Variants in NNT observed in about 807,000 individuals in gnomAD.
NNT encodes the protein nicotinamide nucleotide transhydrogenase.
A neutral mutation model predicts 104.8 loss-of-function variants in NNT; 50 were observed. The ratio of observed to expected loss-of-function variants is 0.48; its 90% CI spans 0.38 to 0.60. NNT has a LOEUF of 0.60. Ranked by LOEUF, NNT falls within the 20% of genes least tolerant of loss-of-function variation. The pLI is 0.00. For missense variants in NNT, 1,131 were observed against 1,330.7 expected, an observed-to-expected ratio of 0.85 and a Z score of 2.33; for synonymous variants, 461 against 490.4, an observed-to-expected ratio of 0.94 and a Z score of 0.79.
At chr5:43,657,372 C>G (rs560693990) in intron 16 of NNT, among the ~76,000 whole-genome samples, 27 of 152,178 alleles carry the variant, frequency 1.8e-4, no homozygotes, top group Non-Finnish European at 2.9e-4. Flanking sequence ...TTGAAACACA[C>G]AGTAGTTTTT....
intron 19 of NNT, among the ~76,000 whole-genome samples, chr5:43,690,877 A>T (rs370438649): frequency 2.0e-5 from 3 of 152,250 alleles, no homozygotes; most frequent in South Asian, 2.1e-4. Flanking sequence ...AATTTCCTAG[A>T]TAAGGCATTT....
At chr5:43,697,120 A>G (rs1742596406) in intron 19 of NNT, among the ~76,000 whole-genome samples, 1 of 152,206 alleles carries the variant, frequency 6.6e-6, no homozygotes, top group African/African-American at 2.4e-5. Flanking sequence ...CCAAACTTTT[A>G]TGCTCTGTTT....
chr5:43,694,614 A>T (rs1742458274), intron 19 of NNT, among the ~76,000 whole-genome samples: 1 of 152,214 alleles, frequency 6.6e-6, no homozygotes, highest in African/African-American at 2.4e-5. Flanking sequence ...CCAACCTTGC[A>T]TCCCTGGGAT....
chr5:43,620,537 A>G (rs1270604071), intron 5 of NNT, among the ~76,000 whole-genome samples: 1 of 152,112 alleles, frequency 6.6e-6, no homozygotes, highest in East Asian at 1.9e-4. Flanking sequence ...GCTCTTAAGT[A>G]CTTTGTTATA....
chr5:43,694,886 C>T (rs1443756198), intron 19 of NNT, among the ~76,000 whole-genome samples: 5 of 152,000 alleles, frequency 3.3e-5, no homozygotes, highest in African/African-American at 1.2e-4. Context: ...ATGGTACCAG[C>T]TCTTCTTTGT....
chr5:43,649,361 CTCTAGGAGGACTA>C, intron 11 of NNT, 53 bp downstream of exon 11: 1 of 1,584,342 alleles, frequency 6.3e-7, no homozygotes, highest in Non-Finnish European at 8.6e-7. Context: ...GGTTACTCAG[CTCTAGGAGGACTA>C]TCAATGCCGT....
chr5:43,678,454 G>C (rs571510406), intron 19 of NNT, among the ~76,000 whole-genome samples: 2 of 152,046 alleles, frequency 1.3e-5, no homozygotes, highest in African/African-American at 4.8e-5. Flanking sequence ...AAATATTATC[G>C]ACTCATTTTA....
Position 43,645,509 on chromosome 5 carries a change from A to G in NNT, c.1443A>G (p.Ala481=), listed in dbSNP as rs1174913082. The part of the protein sequence containing the change: ...KTMSTASAYT[A]GLTGILGLGI... ...TGTCAACGGCTTCTGCATATACAGC[A>G]GGTGAGGATACCATTTACCAGGGTT... Residue 481 remains alanine, a splice_region_variant and synonymous_variant, in exon 10 of 22, where the codon GCA becomes GCG. Coordinates refer to ENST00000344920, the MANE Select transcript of NNT (RefSeq NM_182977.3). The G allele has an allele frequency of 2.7e-6, 4 of 1,501,218 alleles. No homozygotes were observed. Among genetic ancestry groups the G allele is most frequent in the Non-Finnish European group, 1.8e-6 (2 of 1,123,758 alleles). The allele number at this position is 1,501,218 out of a possible 1,614,324, so 93.0% of individuals were successfully genotyped here.
rs1742775921 is a variant in NNT at position 43,700,200 on chromosome 5, T to G, written c.2958T>G (p.Ile986Met). Reference protein sequence around the residue: ...LLAEAGVPYDIVLEMDEINHD... With the variant: ...LLAEAGVPYDMVLEMDEINHD... ...CTGAGGCTGGTGTGCCATATGACAT[T>G]GTGTTGGAAATGGATGAGATCAACC... Residue 986 changes from isoleucine to methionine, a missense_variant, in exon 20 of 22, where the codon ATT becomes ATG. Transcript: ENST00000344920. 6.2e-7 allele frequency: 1 copy of G among 1,613,572 alleles called. No individual in the cohort carries two copies. The highest frequency in any genetic ancestry group is 8.5e-7 in the Non-Finnish European group (1 of 1,179,764).
chr5:43,655,074 A>G (rs1359945639), intron 14 of NNT, among the ~76,000 whole-genome samples: 1 of 152,174 alleles, frequency 6.6e-6, no homozygotes, highest in Non-Finnish European at 1.5e-5. Context: ...CTTTGCTCCC[A>G]CCTACCCACC....
chr5:43,653,791 T>C (rs558868434), intron 14 of NNT, among the ~76,000 whole-genome samples: 17 of 151,760 alleles, frequency 1.1e-4, no homozygotes, highest in African/African-American at 4.1e-4. Context: ...CCCGTCGCTA[T>C]TAAATATACA....
At chr5:43,606,354 C>T (rs1385519661) in intron 1 of NNT, among the ~76,000 whole-genome samples, 1 of 152,146 alleles carries the variant, frequency 6.6e-6, no homozygotes, top group South Asian at 2.1e-4. Context: ...TTGCAACTCC[C>T]TTAGTTCTTG....
At position 43,706,639 on chromosome 5, in the gene NNT, A is replaced by G. The variant is rs1743100991; in HGVS notation, c.*2235A>G. 6.6e-6 allele frequency: 1 copy of G among 152,262 alleles called. No homozygotes were observed. Among genetic ancestry groups the G allele is most frequent in the African/African-American group, 2.4e-5 (1 of 41,476 alleles). 9.4% of individuals were successfully genotyped at this position (152,262 alleles called of 1,614,324 possible). On this transcript the variant is annotated 3_prime_UTR_variant, in exon 22 of 22. Coordinates refer to ENST00000344920, the MANE Select transcript of NNT (RefSeq NM_182977.3). ...TTACTGGGTATATACCCAAAGGATT[A>G]TAAATCATGCTGCTATAAAGACACA... is the stretch of plus-strand genomic sequence containing the variant.
At chr5:43,682,208 C>CTTTTTT (rs71610326) in intron 19 of NNT, among the ~76,000 whole-genome samples, 302 of 100,226 alleles carry the variant, frequency 3.0e-3, no homozygotes, top group East Asian at 0.014. Context: ...TAACTGGATT[C>CTTTTTT]TTTTTTTTTT....
intron 17 of NNT, among the ~76,000 whole-genome samples, chr5:43,660,657 A>G (rs902479772): frequency 6.6e-6 from 1 of 152,236 alleles, no homozygotes; most frequent in African/African-American, 2.4e-5. Context: ...CTGTGAGGCC[A>G]CAGGAAGCTT....
At chr5:43,670,261 T>C (rs1000627986) in intron 17 of NNT, among the ~76,000 whole-genome samples, 5 of 152,076 alleles carry the variant, frequency 3.3e-5, no homozygotes, top group African/African-American at 1.2e-4. Flanking sequence ...TTTTGAATGG[T>C]TTTTTGTTTG....
chr5:43,614,859 C>T (rs947789385), intron 3 of NNT, among the ~76,000 whole-genome samples: 2 of 152,162 alleles, frequency 1.3e-5, no homozygotes, highest in East Asian at 1.9e-4. Flanking sequence ...AATGGATGGC[C>T]GGGCGCAGTG....
intron 5 of NNT, among the ~76,000 whole-genome samples, chr5:43,621,245 AT>A (rs1750075045): frequency 6.6e-6 from 1 of 152,154 alleles, no homozygotes; most frequent in Admixed American, 6.5e-5. Context: ...ACATTATGTG[AT>A]TTTTGTTGCC....
rs1042377469 is a variant in NNT, at chr5:43,705,817, CT to C, written c.*1419del. ...CGTTTGTGTGTTAAAGCAGAAAAGACTTTTTTAAAAGTTTTAAGTGATAAAT... is the reference window on the plus strand; with the variant it reads ...CGTTTGTGTGTTAAAGCAGAAAAGACTTTTTAAAAGTTTTAAGTGATAAAT... On this transcript the variant is annotated 3_prime_UTR_variant, in exon 22 of 22. Coordinates refer to ENST00000344920, the MANE Select transcript of NNT (RefSeq NM_182977.3). 2 of 151,424 alleles carry C rather than the reference CT, an allele frequency of 1.3e-5. No homozygotes were observed. The highest frequency in any genetic ancestry group is 4.9e-5 in the African/African-American group (2 of 41,204). The allele number at this position is 151,424 out of a possible 1,614,324, so 9.4% of individuals were successfully genotyped here.
Sources: gnomAD v4.1 joint callset for allele counts (sites outside exome capture counted in the v4.1 genomes callset) on GRCh38, gnomAD v4.1.1 for gene constraint, MANE v1.5 for transcripts, NCBI Gene and HGNC (gene_info 2026-07-23, HGNC 2026-07-21) for gene names.